The following PTPRN2 variants were observed in gnomAD, a reference collection of about 807,000 sequenced individuals.
PTPRN2 encodes receptor-type tyrosine-protein phosphatase N2.
A neutral mutation model predicts 118.8 loss-of-function variants in PTPRN2; 74 were observed. The observed-to-expected ratio is 0.62, with a 90% CI of 0.52 to 0.76. The LOEUF (loss-of-function observed/expected upper bound fraction) is 0.76, where lower values mean the gene tolerates loss of function less well. Among genes scored for constraint, PTPRN2 ranks in the 30% least tolerant of loss-of-function variants. The pLI, the probability that PTPRN2 is intolerant of heterozygous loss-of-function variation, is 0.00. For missense variants in PTPRN2, 1,481 were observed against 1,394.4 expected, an observed-to-expected ratio of 1.06 and a Z score of -0.99; for synonymous variants, 641 against 608.0, an observed-to-expected ratio of 1.05 and a Z score of -0.80.
At chr7:157,597,223 T>C (rs1801394948) in intron 16 of PTPRN2, among the ~76,000 whole-genome samples, 1 of 152,186 alleles carries the variant, frequency 6.6e-6, no homozygotes, top group African/African-American at 2.4e-5. Flanking sequence ...GTGCATCTGA[T>C]TTAGTGATTC....
intron 1 of PTPRN2, chr7:158,532,856 T>C (rs1012547276): frequency 1.9e-6 from 1 of 529,700 alleles, no homozygotes; most frequent in African/African-American, 1.9e-5. Context: ...TGGCCCGTGC[T>C]GCACTCTGAC....
chr7:158,164,924 TGGA>T (rs1046377366), intron 6 of PTPRN2, among the ~76,000 whole-genome samples: 73 of 152,038 alleles, frequency 4.8e-4, no homozygotes, highest in African/African-American at 1.7e-3. Context: ...CACACTGAGC[TGGA>T]GGAGAACAGG....
At chr7:158,244,727 AGT>A (rs10580741) in intron 3 of PTPRN2, among the ~76,000 whole-genome samples, 31,899 of 150,890 alleles carry the variant, frequency 0.21, 4,222 homozygotes, top group African/African-American at 0.34. Context: ...TTAGAGTGAA[AGT>A]GTGTGTGTGT....
intron 12 of PTPRN2, among the ~76,000 whole-genome samples, chr7:157,853,198 C>A (rs113934871): frequency 6.6e-6 from 1 of 152,096 alleles, no homozygotes; most frequent in Admixed American, 6.5e-5. Context: ...CCTTGCATTC[C>A]GAGGAGTCAT....
At chr7:158,429,529 G>A (rs1338862905) in intron 2 of PTPRN2, among the ~76,000 whole-genome samples, 1 of 152,204 alleles carries the variant, frequency 6.6e-6, no homozygotes, top group African/African-American at 2.4e-5. Flanking sequence ...TAGACCCGCT[G>A]GTGATGTGCT....
At chr7:157,807,192 T>A (rs1353379811) in intron 12 of PTPRN2, among the ~76,000 whole-genome samples, 1 of 152,174 alleles carries the variant, frequency 6.6e-6, no homozygotes, top group Non-Finnish European at 1.5e-5. Context: ...ACACATATGT[T>A]CCCACAACAA....
chr7:158,305,840 T>G (rs1334017223), intron 3 of PTPRN2, among the ~76,000 whole-genome samples: 2 of 150,388 alleles, frequency 1.3e-5, no homozygotes, highest in Non-Finnish European at 3.0e-5. Flanking sequence ...TGGCTGAATC[T>G]CAGCAAGAAC....
At chr7:158,025,843 G>T (rs756995360) in intron 11 of PTPRN2, among the ~76,000 whole-genome samples, 1 of 152,246 alleles carries the variant, frequency 6.6e-6, no homozygotes, top group East Asian at 1.9e-4. Flanking sequence ...AGGGATTAAC[G>T]AGCCCGGCAG....
intron 3 of PTPRN2, among the ~76,000 whole-genome samples, chr7:158,231,591 TTTAGAG>T (rs1829166342): frequency 6.6e-6 from 1 of 152,062 alleles, no homozygotes; most frequent in South Asian, 2.1e-4. Flanking sequence ...ACAAAGAAAC[TTTAGAG>T]TTAAACTATA....
chr7:158,261,553 A>C (rs1461025641), intron 3 of PTPRN2, among the ~76,000 whole-genome samples: 1 of 152,128 alleles, frequency 6.6e-6, no homozygotes, highest in African/African-American at 2.4e-5. Flanking sequence ...TGCCAGTTAG[A>C]GACAGAGGCT....
At chr7:157,745,292 G>A (rs1038418161) in intron 12 of PTPRN2, among the ~76,000 whole-genome samples, 2 of 152,214 alleles carry the variant, frequency 1.3e-5, no homozygotes, top group African/African-American at 4.8e-5. Context: ...TCCAGCCAGT[G>A]ATCTGCTGGA....
intron 2 of PTPRN2, among the ~76,000 whole-genome samples, chr7:158,395,247 G>A (rs893220591): frequency 4.8e-5 from 7 of 146,408 alleles, no homozygotes; most frequent in East Asian, 2.1e-4. Flanking sequence ...TGAATCCCCC[G>A]TGCGGGCACC....
chr7:158,118,753 G>A lies in PTPRN2; in HGVS notation c.1557-7838C>T, dbSNP rs118127772. ...TTCTTTTTTTGTCGCCCAGGCTGGAGTGCAGTGGCATGATCGTTGCTCACT... is the reference window on the plus strand; with the variant it reads ...TTCTTTTTTTGTCGCCCAGGCTGGAATGCAGTGGCATGATCGTTGCTCACT... On this transcript the variant is annotated intron_variant, in intron 9 of 22. Coordinates refer to ENST00000389418, the MANE Select transcript of PTPRN2 (RefSeq NM_002847.5). Among the ~76,000 whole-genome samples, 1,048 of 152,282 alleles carry A rather than the reference G, an allele frequency of 6.9e-3. 12 individuals carry two copies. Among genetic ancestry groups the A allele is most frequent in the Middle Eastern group, 0.017 (5 of 294 alleles).
intron 2 of PTPRN2, among the ~76,000 whole-genome samples, chr7:158,347,902 G>A (rs1400798020): frequency 6.6e-6 from 1 of 152,180 alleles, no homozygotes; most frequent in Non-Finnish European, 1.5e-5. Flanking sequence ...TGGAGGTTGT[G>A]GCATTTGCTT....
intron 16 of PTPRN2, among the ~76,000 whole-genome samples, chr7:157,602,166 AT>A (rs1460236377): frequency 6.6e-6 from 1 of 152,254 alleles, no homozygotes; most frequent in African/African-American, 2.4e-5. Context: ...CTTCTTAAGA[AT>A]GAACACATAA....
chr7:157,777,017 TTCCCTCTCCTCCTCC>T, intron 12 of PTPRN2, among the ~76,000 whole-genome samples: 1 of 105,898 alleles, frequency 9.4e-6, no homozygotes, highest in South Asian at 3.6e-4. Context: ...TCTCCTCCTC[TTCCCTCTCCTCCTCC>T]TCCCTACCTC....
rs564977737 is a variant in PTPRN2 at position 157,785,713 on chromosome 7, C to T, written c.1789-102776G>A. Among the ~76,000 whole-genome samples the T allele has an allele frequency of 6.6e-6, 1 of 152,230 alleles. No homozygotes were observed. Among genetic ancestry groups the T allele is most frequent in the East Asian group, 1.9e-4 (1 of 5,158 alleles). On this transcript the variant is annotated intron_variant, in intron 12 of 22. Transcript: ENST00000389418. This position sits in a 1 kb window ranked among gnomAD's most constrained non-coding sequence, Gnocchi z 7.3. ...GCCTGCTCAGAGATGGGCATGGGGCCGGCCTGGGAAGCATGGCGGGAGGGG... is the reference window on the plus strand; with the variant it reads ...GCCTGCTCAGAGATGGGCATGGGGCTGGCCTGGGAAGCATGGCGGGAGGGG...
Position 157,764,106 on chromosome 7 carries a change from A to G in PTPRN2, c.1789-81169T>C, listed in dbSNP as rs1269659111. Among the ~76,000 whole-genome samples the G allele has an allele frequency of 6.6e-6, 1 of 152,210 alleles. No individual in the cohort carries two copies. The highest frequency in any genetic ancestry group is 6.5e-5 in the Admixed American group (1 of 15,286). Reference sequence around the variant, plus strand: ...ACACAACAAAAACGTGCTGGCGAGAATGCTGAGGAATCGTAACTGGCACAC... The same window carrying G: ...ACACAACAAAAACGTGCTGGCGAGAGTGCTGAGGAATCGTAACTGGCACAC... On this transcript the variant is annotated intron_variant, in intron 12 of 22. Transcript: ENST00000389418. This position sits in a 1 kb window ranked among gnomAD's most constrained non-coding sequence, Gnocchi z 4.5.
chr7:158,511,383 C>A (rs1586835010), intron 1 of PTPRN2, among the ~76,000 whole-genome samples: 1 of 152,218 alleles, frequency 6.6e-6, no homozygotes, highest in Admixed American at 6.5e-5. Context: ...TGCGAACGTG[C>A]ACATCACATC....
Sources: allele counts gnomAD v4.1 joint callset (sites outside exome capture counted in the v4.1 genomes callset), GRCh38; gene constraint gnomAD v4.1.1; non-coding constraint Gnocchi (gnomAD v3.1); transcripts MANE v1.5; gene names NCBI Gene and HGNC (gene_info 2026-07-23, HGNC 2026-07-21).